Variants in GALNT17 observed in about 807,000 individuals in gnomAD.
GALNT17 encodes polypeptide N-acetylgalactosaminyltransferase 17.
A neutral mutation model predicts 63.7 loss-of-function variants in GALNT17; 29 were observed. That is an observed-to-expected ratio of 0.46 (90% CI 0.34 to 0.62). GALNT17 has a LOEUF of 0.62. GALNT17 is among the 20% of genes least tolerant of loss of function. The probability of loss-of-function intolerance (pLI) is 0.01; values close to 1 mark genes in which losing one functional copy is unlikely to be tolerated. For missense variants in GALNT17, 603 were observed against 799.6 expected, an observed-to-expected ratio of 0.75 and a Z score of 2.97; for synonymous variants, 305 against 318.3, an observed-to-expected ratio of 0.96 and a Z score of 0.45.
intron 3 of GALNT17, among the ~76,000 whole-genome samples, chr7:71,399,142 C>T (rs528448695): frequency 1.4e-3 from 206 of 152,204 alleles, no homozygotes; most frequent in African/African-American, 4.8e-3. Context: ...GCTGAGGCAG[C>T]AGAATTACTT....
intron 1 of GALNT17, among the ~76,000 whole-genome samples, chr7:71,162,471 C>T (rs933226735): frequency 6.6e-6 from 1 of 151,646 alleles, no homozygotes. Context: ...CACAATATGT[C>T]GGGTCCAAAG....
At chr7:71,485,952 C>A (rs1287943609) in intron 5 of GALNT17, among the ~76,000 whole-genome samples, 1 of 152,132 alleles carries the variant, frequency 6.6e-6, no homozygotes. Flanking sequence ...TGGTGTTTTA[C>A]TGACCCAGAT....
In GALNT17 at chr7:71,220,416, T is replaced by C. The variant is rs140827475; in HGVS notation, c.238+87376T>C. On this transcript the variant is annotated intron_variant, in intron 1 of 10. Coordinates refer to ENST00000333538, the MANE Select transcript of GALNT17 (RefSeq NM_022479.3). ...AAAGGGAGGTCCTGTGATATTTTCA[T>C]AACATCTTTCTGAGAACACATTGTA... 1.6e-3 allele frequency among the ~76,000 whole-genome samples: 244 copies of C among 152,330 alleles called. 1 individual carries two copies. Among genetic ancestry groups the C allele is most frequent in the African/African-American group, 5.5e-3 (228 of 41,574 alleles).
intron 2 of GALNT17, among the ~76,000 whole-genome samples, chr7:71,345,264 C>T (rs1188710868): frequency 6.6e-6 from 1 of 151,332 alleles, no homozygotes; most frequent in African/African-American, 2.4e-5. Context: ...AGAAATCTGT[C>T]TGTGCTTATT....
At position 71,335,956 on chromosome 7, in the gene GALNT17, C is replaced by G. The variant is rs547874888; in HGVS notation, c.422+223C>G. On this transcript the variant is annotated intron_variant, in intron 2 of 10. Transcript: ENST00000333538. ...GTGTTCCAGAAACATATAGAAAGAGCCTCAATACAAAAAGCTTTGTATTTT... is the reference window on the plus strand; with the variant it reads ...GTGTTCCAGAAACATATAGAAAGAGGCTCAATACAAAAAGCTTTGTATTTT... Among the ~76,000 whole-genome samples, 6 of 151,818 alleles carry G rather than the reference C, an allele frequency of 4.0e-5. No individual in the cohort carries two copies. In the South Asian group the frequency reaches 6.3e-4, roughly 16 times the overall value.
chr7:71,545,435 C>T (rs1297558076), intron 5 of GALNT17, among the ~76,000 whole-genome samples: 1 of 152,204 alleles, frequency 6.6e-6, no homozygotes, highest in Non-Finnish European at 1.5e-5. Context: ...TCACTGCAAC[C>T]TCTGCCTCTG....
At chr7:71,267,053 C>T (rs1790503177) in intron 1 of GALNT17, among the ~76,000 whole-genome samples, 1 of 152,212 alleles carries the variant, frequency 6.6e-6, no homozygotes, top group Non-Finnish European at 1.5e-5. Context: ...TTCAGGAATC[C>T]TTCCCTGACA....
intron 5 of GALNT17, among the ~76,000 whole-genome samples, chr7:71,560,744 C>T (rs1789242710): frequency 6.6e-6 from 1 of 152,098 alleles, no homozygotes; most frequent in Non-Finnish European, 1.5e-5. Context: ...AACTAGGTGA[C>T]CATATAGGGT....
At chr7:71,584,179 C>T (rs1452410270) in intron 6 of GALNT17, among the ~76,000 whole-genome samples, 3 of 152,072 alleles carry the variant, frequency 2.0e-5, no homozygotes, top group Non-Finnish European at 4.4e-5. Flanking sequence ...TTCTTAAATT[C>T]TGTAATGCTA....
chr7:71,666,661 T>A (rs1440840662), intron 7 of GALNT17, among the ~76,000 whole-genome samples: 1 of 152,160 alleles, frequency 6.6e-6, no homozygotes, highest in Non-Finnish European at 1.5e-5. Context: ...GATGTTTGGT[T>A]TTCCATTAGA....
At chr7:71,240,751 G>A (rs757751706) in intron 1 of GALNT17, among the ~76,000 whole-genome samples, 1 of 150,432 alleles carries the variant, frequency 6.6e-6, no homozygotes, top group South Asian at 2.1e-4. Context: ...TGCAGGCTCC[G>A]CCCCCCGGGT....
chr7:71,673,878 C>T (rs556185882), intron 8 of GALNT17, among the ~76,000 whole-genome samples: 5 of 152,314 alleles, frequency 3.3e-5, no homozygotes, highest in Admixed American at 6.5e-5. Flanking sequence ...TTCCGCCTCC[C>T]GAGTATCTGG....
intron 1 of GALNT17, among the ~76,000 whole-genome samples, chr7:71,195,837 G>T (rs1385649671): frequency 6.6e-6 from 1 of 151,532 alleles, no homozygotes; most frequent in Non-Finnish European, 1.5e-5. Context: ...GCACCCAGCC[G>T]AGCCTATCAT....
At chr7:71,496,535 A>C (rs1788096635) in intron 5 of GALNT17, among the ~76,000 whole-genome samples, 1 of 152,144 alleles carries the variant, frequency 6.6e-6, no homozygotes, top group African/African-American at 2.4e-5. Context: ...TGACATAGAA[A>C]TGATCTCCGC....
chr7:71,328,446 C>T lies in GALNT17; in HGVS notation c.239-7104C>T, dbSNP rs369550700. ...GTTCAGTTTCATTCCTCAAAGATTG[C>T]GGCTGCCTCTGACGACTGAGCAAGG... is the stretch of plus-strand genomic sequence containing the variant. On this transcript the variant is annotated intron_variant, in intron 1 of 10. Transcript: ENST00000333538. Among the ~76,000 whole-genome samples the T allele has an allele frequency of 2.8e-4, 43 of 152,188 alleles. No homozygotes were observed. The South Asian group carries it at 8.3e-3, about 29-fold the overall frequency.
At chr7:71,326,959 T>C (rs1791716032) in intron 1 of GALNT17, among the ~76,000 whole-genome samples, 1 of 152,230 alleles carries the variant, frequency 6.6e-6, no homozygotes, top group South Asian at 2.1e-4. Context: ...TCAACACCTC[T>C]TTTCCTATTA....
rs113737797 is a variant in GALNT17 at position 71,644,555 on chromosome 7, GA to G, written c.1081-20846del. ...AAAAAAAAAAAAAAAAAAAACAAAA[GA>G]AAAAAAAAAGAAGAGAAAGAAAGAA... On this transcript the variant is annotated intron_variant, in intron 6 of 10. Transcript: ENST00000333538. Among the ~76,000 whole-genome samples, 127 of 111,658 alleles carry G rather than the reference GA, an allele frequency of 1.1e-3. 1 individual carries two copies. The East Asian group carries it at 0.023, about 20-fold the overall frequency. 73.3% of individuals were successfully genotyped at this position (111,658 alleles called of 152,430 possible).
intron 5 of GALNT17, among the ~76,000 whole-genome samples, chr7:71,508,919 T>C (rs1788308306): frequency 6.6e-6 from 1 of 152,150 alleles, no homozygotes; most frequent in Admixed American, 6.5e-5. Flanking sequence ...TGCGCTCGTG[T>C]GCATGTGTCT....
At chr7:71,498,019 G>T (rs1010258043) in intron 5 of GALNT17, among the ~76,000 whole-genome samples, 2 of 152,204 alleles carry the variant, frequency 1.3e-5, no homozygotes, top group Admixed American at 1.3e-4. Flanking sequence ...ATGCGTGTGG[G>T]ATCATGCCTT....
Sources: allele counts gnomAD v4.1 joint callset (sites outside exome capture counted in the v4.1 genomes callset), GRCh38; gene constraint gnomAD v4.1.1; transcripts MANE v1.5; gene names NCBI Gene and HGNC (gene_info 2026-07-23, HGNC 2026-07-21).